The following SGCD variants were observed in gnomAD, a reference collection of about 807,000 sequenced individuals.
The protein encoded by SGCD is delta-sarcoglycan.
In SGCD, 18 loss-of-function variants were observed where a neutral mutation model predicts 36.6. The ratio of observed to expected loss-of-function variants is 0.49; its 90% CI spans 0.34 to 0.73. SGCD has a LOEUF of 0.73. SGCD is among the 30% of genes least tolerant of loss of function. The probability of loss-of-function intolerance (pLI) is 0.01; values close to 1 mark genes in which losing one functional copy is unlikely to be tolerated. For missense variants in SGCD, 387 were observed against 346.7 expected, an observed-to-expected ratio of 1.12 and a Z score of -0.92; for synonymous variants, 133 against 130.6, an observed-to-expected ratio of 1.02 and a Z score of -0.12.
Position 155,879,095 on chromosome 5 carries a change from T to A in SGCD, c.-282+8671T>A, listed in dbSNP as rs551696993. Among the ~76,000 whole-genome samples, 4 of 152,152 alleles carry A rather than the reference T, an allele frequency of 2.6e-5. No homozygotes were observed. The South Asian group carries it at 8.3e-4, about 32-fold the overall frequency. ...CTGCACACTTAAAAAAAAAAAGTAT[T>A]TGGACTGGAGGCTAGACAGACTGAA... On this transcript the variant is annotated intron_variant, in intron 1 of 9. Transcript: ENST00000517913.
the SGCD span, among the ~76,000 whole-genome samples, chr5:155,863,136 C>T: frequency 1.3e-5 from 2 of 152,116 alleles, no homozygotes; most frequent in African/African-American, 4.8e-5. Flanking sequence ...AAGCCAGAAG[C>T]CAGATAAATT....
At chr5:156,075,983 A>T (rs576406080) in intron 1 of SGCD, among the ~76,000 whole-genome samples, 1 of 152,188 alleles carries the variant, frequency 6.6e-6, no homozygotes, top group East Asian at 1.9e-4. Context: ...TTACTCCAAA[A>T]CCTGGAACTT....
At chr5:155,866,855 G>A (rs1217090608), upstream of SGCD, among the ~76,000 whole-genome samples, 4 of 152,060 alleles carry the variant, frequency 2.6e-5, no homozygotes, top group Admixed American at 6.6e-5. Flanking sequence ...TTACACACAC[G>A]CATGCGTACA....
intron 1 of SGCD, among the ~76,000 whole-genome samples, chr5:156,113,491 C>G (rs1446611212): frequency 1.3e-5 from 2 of 152,170 alleles, no homozygotes; most frequent in Non-Finnish European, 2.9e-5. Context: ...CCTCAGCATG[C>G]TGCCTACCTA....
At chr5:156,635,293 A>G (rs1762783565) in intron 6 of SGCD, among the ~76,000 whole-genome samples, 1 of 152,154 alleles carries the variant, frequency 6.6e-6, no homozygotes, top group Non-Finnish European at 1.5e-5. Flanking sequence ...AATGCACATG[A>G]TCACTGGCCA....
chr5:155,996,863 G>GGATGGATGGATA (rs367879360), intron 1 of SGCD, among the ~76,000 whole-genome samples: 32 of 133,466 alleles, frequency 2.4e-4, no homozygotes, highest in African/African-American at 7.9e-4. Flanking sequence ...CTGGATGGAT[G>GGATGGATGGATA]GATAGATAGA....
chr5:156,031,079 T>C (rs185861062), intron 1 of SGCD, among the ~76,000 whole-genome samples: 562 of 152,312 alleles, frequency 3.7e-3, no homozygotes, highest in Non-Finnish European at 6.1e-3. Context: ...CAGAAGCTTA[T>C]GTGCTTTGGG....
At chr5:156,140,517 G>A (rs749580792) in intron 3 of SGCD, among the ~76,000 whole-genome samples, 9 of 152,170 alleles carry the variant, frequency 5.9e-5, no homozygotes, top group Admixed American at 2.0e-4. Context: ...AGAACTGGCC[G>A]AGATGTTTCC....
chr5:156,466,277 G>A (rs192713057), intron 3 of SGCD, among the ~76,000 whole-genome samples: 31 of 152,206 alleles, frequency 2.0e-4, no homozygotes, highest in Admixed American at 5.2e-4. Context: ...CTTGGTAAAG[G>A]CTTCTACAAA....
intron 3 of SGCD, among the ~76,000 whole-genome samples, chr5:156,449,787 G>A (rs913105358): frequency 2.7e-5 from 4 of 149,114 alleles, no homozygotes; most frequent in African/African-American, 7.4e-5. Flanking sequence ...GGGAGTTGGA[G>A]GTTGCAGTGA....
intron 3 of SGCD, among the ~76,000 whole-genome samples, chr5:156,457,170 T>C (rs1754297887): frequency 6.6e-6 from 1 of 152,196 alleles, no homozygotes; most frequent in Admixed American, 6.5e-5. Flanking sequence ...TTCTTCAAAA[T>C]AGTAAGGGTT....
At chr5:155,748,050 CATCTT>C in the SGCD span, among the ~76,000 whole-genome samples, 3 of 152,012 alleles carry the variant, frequency 2.0e-5, no homozygotes, top group Non-Finnish European at 2.9e-5. Flanking sequence ...CCTACCTTTC[CATCTT>C]ATCTTATACC....
chr5:156,423,272 ACAT>A (rs1773455408), intron 3 of SGCD, among the ~76,000 whole-genome samples: 2 of 5,830 alleles, frequency 3.4e-4, no homozygotes, highest in African/African-American at 9.2e-4. Flanking sequence ...TTATAATATA[ACAT>A]TATATTATAT....
intron 1 of SGCD, among the ~76,000 whole-genome samples, chr5:156,008,020 T>C (rs1382302989): frequency 6.6e-6 from 1 of 152,122 alleles, no homozygotes; most frequent in East Asian, 1.9e-4. Flanking sequence ...CCAAGATTCT[T>C]TTTTTTCTCC....
chr5:155,779,253 A>G, the SGCD span, among the ~76,000 whole-genome samples: 1 of 152,086 alleles, frequency 6.6e-6, no homozygotes, highest in Non-Finnish European at 1.5e-5. Context: ...AGCCTGAGCA[A>G]CATGGCAAAA....
At chr5:156,649,034 T>C (rs1763347563) in intron 7 of SGCD, among the ~76,000 whole-genome samples, 1 of 152,104 alleles carries the variant, frequency 6.6e-6, no homozygotes, top group South Asian at 2.1e-4. Context: ...AGGACTCCCA[T>C]CAACAAATGG....
chr5:156,373,974 GAGA>G (rs1770525749), intron 3 of SGCD, among the ~76,000 whole-genome samples: 1 of 152,144 alleles, frequency 6.6e-6, no homozygotes, highest in Non-Finnish European at 1.5e-5. Flanking sequence ...TTACTTTGCT[GAGA>G]AGAAGAGTAG....
intron 3 of SGCD, among the ~76,000 whole-genome samples, chr5:156,191,472 G>A (rs1391276711): frequency 6.6e-6 from 1 of 152,090 alleles, no homozygotes; most frequent in African/African-American, 2.4e-5. Flanking sequence ...CAGAATGTTA[G>A]GTATGTTGTT....
chr5:156,383,917 A>G (rs1771130828), intron 3 of SGCD, among the ~76,000 whole-genome samples: 1 of 152,216 alleles, frequency 6.6e-6, no homozygotes, highest in Admixed American at 6.5e-5. Flanking sequence ...TCATTTGAAT[A>G]TGGCAAGAGA....
Sources: allele counts gnomAD v4.1 joint callset (sites outside exome capture counted in the v4.1 genomes callset), GRCh38; gene constraint gnomAD v4.1.1; transcripts MANE v1.5; gene names NCBI Gene and HGNC (gene_info 2026-07-23, HGNC 2026-07-21).